The following ADGRB3 variants were observed in gnomAD, a reference collection of about 807,000 sequenced individuals.
ADGRB3 encodes brain-specific angiogenesis inhibitor 3.
ADGRB3 carries 37 observed loss-of-function variants against 193.4 expected under a neutral mutation model. The observed-to-expected ratio is 0.19, with a 90% confidence interval of 0.15 to 0.25. ADGRB3 has a LOEUF of 0.25. Among genes scored for constraint, ADGRB3 ranks in the 10% least tolerant of loss-of-function variants. The pLI is 1.00. For missense variants in ADGRB3, 1,637 were observed against 1,852.9 expected (o/e 0.88, Z 2.14); for synonymous variants, 690 against 644.2 (o/e 1.07, Z -1.08).
intron 11 of ADGRB3, among the ~76,000 whole-genome samples, chr6:69,003,967 T>C (rs1294933610): frequency 6.6e-6 from 1 of 152,104 alleles, no homozygotes; most frequent in Non-Finnish European, 1.5e-5. Flanking sequence ...AATAAATTAG[T>C]TTGGTCGAGT....
intron 20 of ADGRB3, among the ~76,000 whole-genome samples, chr6:69,243,513 A>G (rs1414547734): frequency 1.3e-5 from 2 of 150,108 alleles, no homozygotes; most frequent in African/African-American, 4.9e-5. Context: ...GCTAAAAGAT[A>G]TGGGATATAG....
chr6:69,310,146 A>G (rs1290817300), intron 20 of ADGRB3, among the ~76,000 whole-genome samples: 2 of 151,784 alleles, frequency 1.3e-5, no homozygotes, highest in African/African-American at 2.4e-5. Context: ...GGTAAGATCT[A>G]TTTTTGACTT....
chr6:69,311,403 CTG>C (rs779617574), intron 20 of ADGRB3, among the ~76,000 whole-genome samples: 1 of 151,754 alleles, frequency 6.6e-6, no homozygotes, highest in Non-Finnish European at 1.5e-5. Context: ...TATAGGTCAT[CTG>C]TTTTTCCGAT....
At chr6:69,232,668 C>A in intron 17 of ADGRB3, 1 of 1,508,722 alleles carries the variant, frequency 6.6e-7, no homozygotes, top group East Asian at 2.5e-5. Context: ...CAGGCAAAGG[C>A]AATGAGAGTC....
intron 26 of ADGRB3, among the ~76,000 whole-genome samples, chr6:69,346,860 AC>A (rs1219939964): frequency 6.6e-6 from 1 of 152,188 alleles, no homozygotes; most frequent in Non-Finnish European, 1.5e-5. Flanking sequence ...TGGGGTACAT[AC>A]CGAAAGGATT....
chr6:68,663,010 C>T (rs72897151), intron 3 of ADGRB3, among the ~76,000 whole-genome samples: 2,992 of 151,038 alleles, frequency 0.02, 69 homozygotes, highest in Admixed American at 0.047. Context: ...AAACCCATTA[C>T]GTCAGCTTTC....
At chr6:68,865,216 C>G (rs2150216603) in intron 3 of ADGRB3, among the ~76,000 whole-genome samples, 1 of 149,352 alleles carries the variant, frequency 6.7e-6, no homozygotes, top group South Asian at 2.2e-4. Context: ...CTCTCCTATC[C>G]CCCATTAATA....
chr6:69,255,288 C>T (rs1766733340), intron 20 of ADGRB3, among the ~76,000 whole-genome samples: 2 of 152,164 alleles, frequency 1.3e-5, no homozygotes. Flanking sequence ...GCCACACTGA[C>T]TTCTACAATG....
intron 17 of ADGRB3, among the ~76,000 whole-genome samples, chr6:69,087,497 A>G (rs1312249356): frequency 1.3e-5 from 2 of 152,288 alleles, no homozygotes; most frequent in African/African-American, 4.8e-5. Flanking sequence ...AAAGACCCCA[A>G]AGAGCTTGCT....
intron 17 of ADGRB3, among the ~76,000 whole-genome samples, chr6:69,098,409 G>A (rs1176985538): frequency 6.6e-6 from 1 of 152,190 alleles, no homozygotes; most frequent in African/African-American, 2.4e-5. Flanking sequence ...AATGACTACT[G>A]TATTAGTCCA....
intron 26 of ADGRB3, among the ~76,000 whole-genome samples, chr6:69,350,454 A>G (rs1037165401): frequency 6.6e-5 from 10 of 152,190 alleles, no homozygotes; most frequent in East Asian, 3.8e-4. Flanking sequence ...TATTATAAAA[A>G]GAAAAAATTT....
chr6:69,193,143 CTTCTCCTATCT>C (rs773849557), intron 17 of ADGRB3, among the ~76,000 whole-genome samples: 12 of 151,998 alleles, frequency 7.9e-5, no homozygotes, highest in Non-Finnish European at 1.6e-4. Flanking sequence ...TCAGGACTGC[CTTCTCCTATCT>C]TTCTCCTTCA....
At chr6:69,221,019 A>C (rs2127249651) in intron 17 of ADGRB3, among the ~76,000 whole-genome samples, 1 of 152,114 alleles carries the variant, frequency 6.6e-6, no homozygotes, top group South Asian at 2.1e-4. Context: ...TCTCCACACC[A>C]CACTTGAGCA....
At chr6:68,724,084 T>C (rs1765630705) in intron 3 of ADGRB3, among the ~76,000 whole-genome samples, 1 of 151,124 alleles carries the variant, frequency 6.6e-6, no homozygotes, top group Non-Finnish European at 1.5e-5. Context: ...CTAATAAAAG[T>C]ATACATGAAA....
At chr6:69,286,291 G>A (rs1297037373) in intron 20 of ADGRB3, among the ~76,000 whole-genome samples, 2 of 151,700 alleles carry the variant, frequency 1.3e-5, no homozygotes, top group Non-Finnish European at 2.9e-5. Context: ...TCCCTCATCT[G>A]ATCTGCACTC....
chr6:69,363,786 C>G (rs1194085785), intron 29 of ADGRB3, among the ~76,000 whole-genome samples: 1 of 151,954 alleles, frequency 6.6e-6, no homozygotes, highest in East Asian at 1.9e-4. Flanking sequence ...AGTTTTTGGT[C>G]TGGCTTTCTT....
intron 22 of ADGRB3, among the ~76,000 whole-genome samples, chr6:69,329,310 C>T (rs73471350): frequency 0.037 from 5,662 of 152,020 alleles, 179 homozygotes; most frequent in Admixed American, 0.095. Flanking sequence ...TGGAAAAGTA[C>T]GGTTTTATCT....
chr6:68,986,484 T>C (rs1237164725), intron 10 of ADGRB3, among the ~76,000 whole-genome samples: 4 of 152,172 alleles, frequency 2.6e-5, no homozygotes, highest in Non-Finnish European at 5.9e-5. Flanking sequence ...ACTCTTCGTA[T>C]CAAACATAGG....
chr6:69,072,960 G>A (rs1054660803), intron 16 of ADGRB3, among the ~76,000 whole-genome samples: 1 of 152,124 alleles, frequency 6.6e-6, no homozygotes, highest in African/African-American at 2.4e-5. Flanking sequence ...TTCCTTCCAT[G>A]GAACATCTGG....
Sources: gnomAD v4.1 joint callset for allele counts (sites outside exome capture counted in the v4.1 genomes callset) on GRCh38, gnomAD v4.1.1 for gene constraint, MANE v1.5 for transcripts, NCBI Gene and HGNC (gene_info 2026-07-23, HGNC 2026-07-21) for gene names.